Variants in DCK observed in about 807,000 individuals in gnomAD.
DCK encodes deoxycytidine kinase.
DCK carries 23 observed loss-of-function variants against 38.3 expected under a neutral mutation model. The ratio of observed to expected loss-of-function variants is 0.60; its 90% CI spans 0.43 to 0.85. The LOEUF (loss-of-function observed/expected upper bound fraction) is 0.85. DCK is among the 40% of genes least tolerant of loss of function. DCK has a pLI of 0.00. For synonymous variants in DCK, 108 were observed against 100.6 expected (o/e 1.07, Z -0.44); for missense variants, 259 against 304.4 (o/e 0.85, Z 1.11).
At chr4:70,997,337 A>G (rs1477699437) in intron 1 of DCK, among the ~76,000 whole-genome samples, 7 of 152,208 alleles carry the variant, frequency 4.6e-5, no homozygotes, top group African/African-American at 1.7e-4. Flanking sequence ...TACACTCTCC[A>G]TACTAAATTT....
intron 2 of DCK, among the ~76,000 whole-genome samples, chr4:71,013,305 G>A (rs1435717997): frequency 6.6e-6 from 1 of 152,138 alleles, no homozygotes; most frequent in African/African-American, 2.4e-5. Flanking sequence ...AAAGTGATGG[G>A]GAGAATGGAA....
intron 1 of DCK, among the ~76,000 whole-genome samples, chr4:70,995,423 C>CA (rs1739638509): frequency 6.6e-6 from 1 of 151,978 alleles, no homozygotes. Flanking sequence ...CTCATCTCCA[C>CA]AAAAAAATTA....
At chr4:71,015,633 G>T (rs977122180) in intron 2 of DCK, among the ~76,000 whole-genome samples, 2 of 152,078 alleles carry the variant, frequency 1.3e-5, no homozygotes, top group African/African-American at 4.8e-5. Context: ...TTCAGCATAC[G>T]CAAATCAATA....
chr4:70,994,717 G>C lies in DCK; in HGVS notation c.91+791G>C, dbSNP rs148822050. Among the ~76,000 whole-genome samples, 216 of 152,306 alleles carry C rather than the reference G, an allele frequency of 1.4e-3. 1 individual carries two copies. Among genetic ancestry groups the C allele is most frequent in the African/African-American group, 5.1e-3 (211 of 41,566 alleles). ...TATTAACGAAACTCGAAACATTCGA[G>C]TACAAGCAAAGAGGTCTTTAATGAT... On this transcript the variant is annotated intron_variant, in intron 1 of 6. Coordinates refer to ENST00000286648, the MANE Select transcript of DCK (RefSeq NM_000788.3).
chr4:71,029,004 G>T (rs990389574), intron 6 of DCK, among the ~76,000 whole-genome samples: 2 of 152,038 alleles, frequency 1.3e-5, no homozygotes, highest in African/African-American at 2.4e-5. Context: ...TGATCTGCCC[G>T]CCTCGGCCTC....
intron 2 of DCK, among the ~76,000 whole-genome samples, chr4:71,005,592 C>T (rs1340458878): frequency 1.3e-5 from 2 of 151,018 alleles, no homozygotes; most frequent in Admixed American, 6.6e-5. Flanking sequence ...CCACAACCTC[C>T]GCCTCCCGGG....
At chr4:71,003,149 C>A (rs910046315) in intron 2 of DCK, among the ~76,000 whole-genome samples, 2 of 152,076 alleles carry the variant, frequency 1.3e-5, no homozygotes, top group Admixed American at 1.3e-4. Flanking sequence ...TAAGGCAGGC[C>A]TTGTGGTGAT....
intron 2 of DCK, among the ~76,000 whole-genome samples, chr4:71,014,877 A>G (rs1314357649): frequency 6.6e-6 from 1 of 152,252 alleles, no homozygotes; most frequent in Non-Finnish European, 1.5e-5. Context: ...AAGCAAGAGT[A>G]AACACATTCC....
intron 2 of DCK, among the ~76,000 whole-genome samples, chr4:71,021,066 CTTT>C (rs34109101): frequency 2.9e-4 from 25 of 85,992 alleles, no homozygotes; most frequent in African/African-American, 7.2e-4. Flanking sequence ...GATGCTATTT[CTTT>C]TTTTTTTTTT....
At chr4:71,000,051 C>T (rs1005851747) in intron 2 of DCK, among the ~76,000 whole-genome samples, 3 of 152,110 alleles carry the variant, frequency 2.0e-5, no homozygotes, top group Non-Finnish European at 4.4e-5. Flanking sequence ...TCAGTTTTGG[C>T]TTTTGTTAAC....
At position 71,010,719 on chromosome 4, in the gene DCK, A is replaced by G. The variant is rs540960353; in HGVS notation, c.208-11648A>G. ...AATATAAATTATATATAATATAAAAATTATATTTATGGTATGCAACATGAT... is the reference window on the plus strand; with the variant it reads ...AATATAAATTATATATAATATAAAAGTTATATTTATGGTATGCAACATGAT... On this transcript the variant is annotated intron_variant, in intron 2 of 6. Transcript: ENST00000286648. Among the ~76,000 whole-genome samples the G allele has an allele frequency of 3.4e-3, 502 of 148,178 alleles. 3 individuals are homozygous for G. The highest frequency in any genetic ancestry group is 0.012 in the African/African-American group (491 of 40,928).
intron 2 of DCK, among the ~76,000 whole-genome samples, chr4:71,002,332 CTG>C (rs1430266751): frequency 6.6e-6 from 1 of 151,910 alleles, no homozygotes; most frequent in African/African-American, 2.4e-5. Context: ...GTCTGACAGA[CTG>C]TTATGATTTC....
intron 4 of DCK, among the ~76,000 whole-genome samples, chr4:71,024,130 G>A (rs1457192353): frequency 1.3e-5 from 2 of 152,242 alleles, no homozygotes; most frequent in Admixed American, 1.3e-4. Context: ...GCATATAGTA[G>A]GAGCTCAGTA....
chr4:71,013,653 C>G (rs1451010500), intron 2 of DCK, among the ~76,000 whole-genome samples: 2 of 152,156 alleles, frequency 1.3e-5, no homozygotes, highest in Admixed American at 1.3e-4. Flanking sequence ...CATATCCAGC[C>G]AAACTAAACT....
At chr4:71,027,037 G>T (rs192106564) in intron 6 of DCK, among the ~76,000 whole-genome samples, 1 of 151,928 alleles carries the variant, frequency 6.6e-6, no homozygotes, top group East Asian at 1.9e-4. Context: ...ATCCTTTAGT[G>T]CCTCTATCTG....
At chr4:71,013,321 T>C (rs183516036) in intron 2 of DCK, among the ~76,000 whole-genome samples, 8 of 152,326 alleles carry the variant, frequency 5.3e-5, no homozygotes, top group African/African-American at 1.4e-4. Flanking sequence ...TGGAACCAAG[T>C]TGGAAAACAC....
chr4:71,007,279 C>G (rs1030109816), intron 2 of DCK, among the ~76,000 whole-genome samples: 4 of 152,070 alleles, frequency 2.6e-5, no homozygotes, highest in African/African-American at 9.7e-5. Flanking sequence ...TTATTTGATT[C>G]TTTTTAAAAA....
intron 2 of DCK, among the ~76,000 whole-genome samples, chr4:70,998,666 G>T (rs1739714959): frequency 6.6e-6 from 1 of 152,146 alleles, no homozygotes; most frequent in Non-Finnish European, 1.5e-5. Context: ...GCTCACGCTT[G>T]TAATCCCAGC....
chr4:71,000,935 C>G (rs1739786756), intron 2 of DCK, among the ~76,000 whole-genome samples: 1 of 152,124 alleles, frequency 6.6e-6, no homozygotes, highest in African/African-American at 2.4e-5. Context: ...ATGGGGTTTT[C>G]TAAATATACA....
Sources: gnomAD v4.1 joint callset for allele counts (sites outside exome capture counted in the v4.1 genomes callset) on GRCh38, gnomAD v4.1.1 for gene constraint, MANE v1.5 for transcripts, NCBI Gene and HGNC (gene_info 2026-07-23, HGNC 2026-07-21) for gene names.